Variants in BNC2 observed in about 807,000 individuals in gnomAD.
BNC2 encodes basonuclin zinc finger protein 2, also known as zinc finger protein basonuclin-2.
In BNC2, 20 loss-of-function variants were observed where a neutral mutation model predicts 76.3. The ratio of observed to expected loss-of-function variants is 0.26; its 90% CI spans 0.18 to 0.38. The LOEUF is 0.38. Among genes scored for constraint, BNC2 ranks in the 10% least tolerant of loss-of-function variants. BNC2 has a pLI of 1.00. For synonymous variants in BNC2, 582 were observed against 514.8 expected (o/e 1.13, Z -1.77); for missense variants, 1,382 against 1,399.8 (o/e 0.99, Z 0.20).
At chr9:16,719,089 AG>A (rs1413574585) in intron 3 of BNC2, among the ~76,000 whole-genome samples, 1 of 152,208 alleles carries the variant, frequency 6.6e-6, no homozygotes, top group African/African-American at 2.4e-5. Context: ...ACTCCAAGTT[AG>A]GTTCTGGCAT....
At chr9:16,844,599 G>C (rs1351748712) in intron 1 of BNC2, among the ~76,000 whole-genome samples, 1 of 148,508 alleles carries the variant, frequency 6.7e-6, no homozygotes, top group Non-Finnish European at 1.5e-5. Context: ...CCAGGTTCAA[G>C]CGATTCTTCC....
At chr9:16,736,721 C>T (rs1824681964) in intron 2 of BNC2, among the ~76,000 whole-genome samples, 1 of 151,688 alleles carries the variant, frequency 6.6e-6, no homozygotes, top group African/African-American at 2.4e-5. Context: ...TGATCCGCCT[C>T]TCTCGGCCTC....
intron 1 of BNC2, among the ~76,000 whole-genome samples, chr9:16,817,494 A>G (rs544566884): frequency 1.3e-5 from 2 of 152,218 alleles, no homozygotes; most frequent in East Asian, 3.8e-4. Context: ...CATCTTGGAC[A>G]ATCTGTTTAA....
At chr9:16,603,009 T>C (rs75912468) in intron 3 of BNC2, among the ~76,000 whole-genome samples, 2,538 of 152,328 alleles carry the variant, frequency 0.017, 71 homozygotes, top group African/African-American at 0.058. Context: ...TTTTTGGGAA[T>C]TTCCGAAAAC....
At chr9:16,500,117 T>C (rs1347836096) in intron 5 of BNC2, among the ~76,000 whole-genome samples, 1 of 152,018 alleles carries the variant, frequency 6.6e-6, no homozygotes, top group Admixed American at 6.6e-5. Context: ...AACATGTCTC[T>C]AGCCACATGC....
At chr9:16,717,345 G>A (rs1426230192) in intron 3 of BNC2, among the ~76,000 whole-genome samples, 1 of 150,402 alleles carries the variant, frequency 6.6e-6, no homozygotes, top group Admixed American at 6.6e-5. Flanking sequence ...ATAGCTTTAG[G>A]GAAAAAAAAT....
At chr9:16,581,856 G>A (rs1587197453) in intron 4 of BNC2, among the ~76,000 whole-genome samples, 1 of 152,120 alleles carries the variant, frequency 6.6e-6, no homozygotes, top group Non-Finnish European at 1.5e-5. Flanking sequence ...GGGCATGAAG[G>A]ACTGCAGGAT....
intron 1 of BNC2, among the ~76,000 whole-genome samples, chr9:16,820,299 G>A (rs1378090419): frequency 1.3e-5 from 2 of 151,676 alleles, no homozygotes; most frequent in Middle Eastern, 3.2e-3. Flanking sequence ...GGTGGCAGGT[G>A]CCTGTAATCC....
intron 3 of BNC2, among the ~76,000 whole-genome samples, chr9:16,679,822 T>TA (rs1822769172): frequency 6.6e-6 from 1 of 152,264 alleles, no homozygotes; most frequent in Non-Finnish European, 1.5e-5. Flanking sequence ...ACTTGGCTCC[T>TA]GCCAGAGGAG....
intron 3 of BNC2, among the ~76,000 whole-genome samples, chr9:16,634,998 G>A (rs961742906): frequency 6.6e-6 from 1 of 151,792 alleles, no homozygotes; most frequent in Non-Finnish European, 1.5e-5. Flanking sequence ...TTAGTAATGT[G>A]GTCTGTATAA....
chr9:16,749,136 T>C (rs1825104410), intron 1 of BNC2, among the ~76,000 whole-genome samples: 1 of 151,972 alleles, frequency 6.6e-6, no homozygotes, highest in Non-Finnish European at 1.5e-5. Context: ...TTTTCAACTG[T>C]GCTCATATTA....
chr9:16,485,111 G>C (rs79089471), intron 5 of BNC2, among the ~76,000 whole-genome samples: 3 of 143,560 alleles, frequency 2.1e-5, no homozygotes, highest in South Asian at 2.3e-4. Context: ...GACACACACA[G>C]ACACACACAC....
intron 5 of BNC2, among the ~76,000 whole-genome samples, chr9:16,492,019 C>T (rs868042977): frequency 2.0e-5 from 3 of 152,018 alleles, no homozygotes; most frequent in African/African-American, 4.8e-5. Context: ...TCTACAAATA[C>T]GATTTTATCA....
chr9:16,577,793 A>G (rs1819526120), intron 4 of BNC2, among the ~76,000 whole-genome samples: 1 of 152,244 alleles, frequency 6.6e-6, no homozygotes, highest in Non-Finnish European at 1.5e-5. Flanking sequence ...GGCAGACCTC[A>G]GCCAAAGGAA....
intron 4 of BNC2, chr9:16,579,966 G>T (rs905391614): frequency 2.5e-6 from 1 of 396,742 alleles, no homozygotes; most frequent in Middle Eastern, 6.3e-4. Flanking sequence ...AAACCATTCT[G>T]GGCAATGTAT....
At chr9:16,776,600 A>G (rs1825974272) in intron 1 of BNC2, among the ~76,000 whole-genome samples, 1 of 152,246 alleles carries the variant, frequency 6.6e-6, no homozygotes, top group South Asian at 2.1e-4. Context: ...GCAACAGCCA[A>G]TTAATTGTAA....
chr9:16,836,147 T>C (rs1818701048), intron 1 of BNC2, among the ~76,000 whole-genome samples: 1 of 152,206 alleles, frequency 6.6e-6, no homozygotes, highest in Admixed American at 6.5e-5. Context: ...AAGACGGTCC[T>C]GCTAATGGTT....
chr9:16,444,320 G>A (rs1821188608), intron 5 of BNC2, among the ~76,000 whole-genome samples: 1 of 152,144 alleles, frequency 6.6e-6, no homozygotes, highest in Admixed American at 6.5e-5. Flanking sequence ...AATGGGGTGT[G>A]TAATCATAAA....
chr9:16,520,610 A>G (rs377047628), intron 5 of BNC2, among the ~76,000 whole-genome samples: 27 of 152,288 alleles, frequency 1.8e-4, no homozygotes, highest in African/African-American at 6.0e-4. Context: ...ACAGCACATA[A>G]GAGAGTGTAG....
Sources: gnomAD v4.1 joint callset for allele counts (sites outside exome capture counted in the v4.1 genomes callset) on GRCh38, gnomAD v4.1.1 for gene constraint, MANE v1.5 for transcripts, NCBI Gene and HGNC (gene_info 2026-07-23, HGNC 2026-07-21) for gene names.